Variants in PTPRJ observed in about 807,000 individuals in gnomAD.
The protein encoded by PTPRJ is receptor-type tyrosine-protein phosphatase eta.
PTPRJ carries 129 observed loss-of-function variants against 141.3 expected under a neutral mutation model. That is an observed-to-expected ratio of 0.91 (90% CI 0.79 to 1.06). The LOEUF (loss-of-function observed/expected upper bound fraction) is 1.06. Ranked by LOEUF, PTPRJ falls within the 50% of genes least tolerant of loss-of-function variation. The pLI is 0.00. For missense variants in PTPRJ, 1,601 were observed against 1,679.7 expected (o/e 0.95, Z 0.82); for synonymous variants, 610 against 640.5 (o/e 0.95, Z 0.72).
At chr11:48,113,210 T>A (rs1856483257) in intron 3 of PTPRJ, among the ~76,000 whole-genome samples, 1 of 152,222 alleles carries the variant, frequency 6.6e-6, no homozygotes, top group Non-Finnish European at 1.5e-5. Flanking sequence ...ATACGAGTTT[T>A]ATAATTTTAA....
chr11:48,149,936 G>C (rs1857439620), intron 16 of PTPRJ, 54 bp from the exon 17 acceptor site: 2 of 1,335,732 alleles, frequency 1.5e-6, no homozygotes, highest in Non-Finnish European at 2.1e-6. Context: ...CATTTCTAGA[G>C]TATGAATGAG....
At position 48,139,069 on chromosome 11, in the gene PTPRJ, G is replaced by A. The variant is rs76460130; in HGVS notation, c.2153-417G>A. Reference sequence around the variant, plus strand: ...AATTGTTTGAACCCGGGAGGTGGACGTTGCGGTGAGCTGAGATTGCGCCAT... The same window carrying A: ...AATTGTTTGAACCCGGGAGGTGGACATTGCGGTGAGCTGAGATTGCGCCAT... On this transcript the variant is annotated intron_variant, in intron 10 of 24. Coordinates refer to ENST00000418331, the MANE Select transcript of PTPRJ (RefSeq NM_002843.4). Among the ~76,000 whole-genome samples the A allele has an allele frequency of 2.1e-3, 315 of 152,234 alleles. 2 individuals carry two copies. The highest frequency in any genetic ancestry group is 7.2e-3 in the African/African-American group (300 of 41,526).
chr11:48,007,819 G>A (rs542853475), intron 1 of PTPRJ, among the ~76,000 whole-genome samples: 8 of 152,348 alleles, frequency 5.3e-5, no homozygotes, highest in Admixed American at 5.2e-4. Flanking sequence ...AACTGGGCAG[G>A]CCCAGAGCAG....
At chr11:47,981,661 G>A (rs1284165982) in intron 1 of PTPRJ, among the ~76,000 whole-genome samples, 3 of 152,176 alleles carry the variant, frequency 2.0e-5, no homozygotes, top group African/African-American at 7.2e-5. Context: ...TGTGGGCGCT[G>A]GCTCCCCCTC....
intron 7 of PTPRJ, among the ~76,000 whole-genome samples, chr11:48,129,323 G>A (rs531324674): frequency 4.6e-5 from 7 of 152,300 alleles, no homozygotes; most frequent in Non-Finnish European, 1.0e-4. Context: ...GGCAGGTGTG[G>A]TTTCTTCTGA....
intron 6 of PTPRJ, among the ~76,000 whole-genome samples, chr11:48,126,371 G>A (rs1272605227): frequency 1.3e-5 from 2 of 152,064 alleles, no homozygotes; most frequent in Non-Finnish European, 2.9e-5. Flanking sequence ...CATTATAGTA[G>A]CCTTTCCCTC....
At chr11:48,063,381 G>T (rs1232090174) in intron 1 of PTPRJ, among the ~76,000 whole-genome samples, 2 of 152,170 alleles carry the variant, frequency 1.3e-5, no homozygotes, top group African/African-American at 4.8e-5. Flanking sequence ...CCTAACTTTG[G>T]AGAGGTTATC....
intron 1 of PTPRJ, among the ~76,000 whole-genome samples, chr11:48,077,648 C>A (rs1417985544): frequency 6.6e-6 from 1 of 152,170 alleles, no homozygotes; most frequent in Non-Finnish European, 1.5e-5. Context: ...CTCGGCCCTA[C>A]CCCATGCCTT....
In PTPRJ at chr11:48,156,575, G is replaced by GTTTTTT. The variant is rs1565332039; in HGVS notation, c.3438+456_3438+457insTTTTTT. 2.4e-5 allele frequency among the ~76,000 whole-genome samples: 3 copies of GTTTTTT among 123,518 alleles called. 1 individual carries two copies. The highest frequency in any genetic ancestry group is 9.1e-5 in the African/African-American group (3 of 33,068). The allele number at this position is 123,518 out of a possible 152,430, so 81.0% of individuals were successfully genotyped here. A position where few individuals can be genotyped will look rare whatever the true frequency, so the allele number is the denominator to read the frequency against. On this transcript the variant is annotated intron_variant, in intron 21 of 24. Coordinates refer to ENST00000418331, the MANE Select transcript of PTPRJ (RefSeq NM_002843.4). ...TGAACCCCTCCTGCCTCCACCCCAG[G>GTTTTTT]GTTTTTTTTTTTTTTTTTTTTTTTT...
rs1857005135 is a variant in PTPRJ, at chr11:48,132,477, A to C, written c.1615+1761A>C. 3 of 983,674 alleles carry C rather than the reference A, an allele frequency of 3.0e-6. No homozygotes were observed. The South Asian group carries it at 1.4e-4, about 46-fold the overall frequency. 60.9% of individuals were successfully genotyped at this position (983,674 alleles called of 1,614,324 possible). ...TAATGTTCATTATTGTTGTTTTAAA[A>C]TTTTGAAATAATTGTTTTTTGGAAA... On this transcript the variant is annotated intron_variant, in intron 8 of 24. Coordinates refer to ENST00000418331, the MANE Select transcript of PTPRJ (RefSeq NM_002843.4).
intron 1 of PTPRJ, among the ~76,000 whole-genome samples, chr11:48,040,612 C>CTTTTTT (rs398055231): frequency 7.4e-6 from 1 of 135,416 alleles, no homozygotes. Context: ...TCTTCTTCTT[C>CTTTTTT]TTTTTTTTTT....
intron 9 of PTPRJ, 114 bp downstream of exon 9, chr11:48,136,410 G>T: frequency 7.6e-7 from 1 of 1,313,994 alleles, no homozygotes; most frequent in Non-Finnish European, 1.0e-6. Context: ...CTCTGAAACT[G>T]CTGAAGTTGA....
At chr11:47,993,842 T>G (rs1466822592) in intron 1 of PTPRJ, among the ~76,000 whole-genome samples, 1 of 151,618 alleles carries the variant, frequency 6.6e-6, no homozygotes, top group Admixed American at 6.6e-5. Context: ...TTTTTTTTTT[T>G]TTTTGAGAGG....
At position 48,128,044 on chromosome 11, in the gene PTPRJ, G is replaced by A. The variant is rs765584055; in HGVS notation, c.1357+1G>A. On this transcript the variant is annotated splice_donor_variant, in intron 7 of 24. Coordinates refer to ENST00000418331, the MANE Select transcript of PTPRJ (RefSeq NM_002843.4). LOFTEE classifies it high-confidence loss of function. ...CCGGGCTTCCTCCAAGTGCACACCC[G>A]TGAGTTCATGCCTGGCTCTCACCAC... 9.3e-6 allele frequency: 15 copies of A among 1,610,340 alleles called. No homozygotes were observed. The highest frequency in any genetic ancestry group is 1.6e-4 in the Middle Eastern group (1 of 6,066).
intron 1 of PTPRJ, among the ~76,000 whole-genome samples, chr11:48,024,262 A>C (rs1453097976): frequency 6.6e-6 from 1 of 151,780 alleles, no homozygotes; most frequent in Non-Finnish European, 1.5e-5. Flanking sequence ...CAATGGCGTG[A>C]TCTTTGCTTA....
intron 3 of PTPRJ, among the ~76,000 whole-genome samples, chr11:48,118,514 A>G (rs1258343273): frequency 6.6e-6 from 1 of 152,258 alleles, no homozygotes; most frequent in Non-Finnish European, 1.5e-5. Context: ...ACAAGGATAC[A>G]ACCCAAAACA....
intron 1 of PTPRJ, among the ~76,000 whole-genome samples, chr11:48,069,686 C>T (rs1444235834): frequency 2.6e-5 from 4 of 151,772 alleles, no homozygotes; most frequent in African/African-American, 2.4e-5. Flanking sequence ...CTCCTGACCT[C>T]GTGATCCGCC....
At position 48,130,567 on chromosome 11, in the gene PTPRJ, A is replaced by G; in HGVS notation, c.1466A>G (p.Glu489Gly). ...AESFQMHITQ[E>G]GAGNSRVEIT... ...TCATTTCAGATGCATATCACACAGG[A>G]GGGAGCTGGCAATTCTCGGGTAGAA... Residue 489 changes from glutamate to glycine, a missense_variant, in exon 8 of 25, where the codon GAG (glutamate) becomes GGG (glycine). Coordinates refer to ENST00000418331, the MANE Select transcript of PTPRJ (RefSeq NM_002843.4). 1 of 1,614,114 alleles carries G rather than the reference A, an allele frequency of 6.2e-7. No homozygotes were observed. The highest frequency in any genetic ancestry group is 8.5e-7 in the Non-Finnish European group (1 of 1,180,004).
chr11:48,083,889 C>T (rs778095380), intron 1 of PTPRJ, among the ~76,000 whole-genome samples: 17 of 152,144 alleles, frequency 1.1e-4, no homozygotes, highest in Admixed American at 7.9e-4. Flanking sequence ...TCTGTGAGGT[C>T]AAAGTATTTT....
Sources: allele counts gnomAD v4.1 joint callset (sites outside exome capture counted in the v4.1 genomes callset), GRCh38; gene constraint gnomAD v4.1.1; transcripts MANE v1.5; gene names NCBI Gene and HGNC (gene_info 2026-07-23, HGNC 2026-07-21).